SBDS: variants seen among roughly 807,000 people sequenced by gnomAD.
The protein encoded by SBDS is SBDS ribosome maturation factor.
In SBDS, 20 loss-of-function variants were observed where a neutral mutation model predicts 26.4. The ratio of observed to expected loss-of-function variants is 0.76; its 90% CI spans 0.53 to 1.10. The LOEUF (loss-of-function observed/expected upper bound fraction) is 1.10. Among genes scored for constraint, SBDS ranks in the 50% least tolerant of loss-of-function variants. The pLI is 0.00. For missense variants in SBDS, 241 were observed against 302.0 expected, an observed-to-expected ratio of 0.80 and a Z score of 1.50; for synonymous variants, 95 against 105.1, an observed-to-expected ratio of 0.90 and a Z score of 0.59.
intron 4 of SBDS, among the ~76,000 whole-genome samples, chr7:66,989,272 G>A (rs1467318478): frequency 8.6e-5 from 13 of 151,958 alleles, no homozygotes; most frequent in African/African-American, 2.9e-4. Context: ...CAGACAGGGC[G>A]CGGTGGCTCA....
At chr7:66,991,482 G>C (rs936906644) in intron 3 of SBDS, among the ~76,000 whole-genome samples, 181 bp from the exon 4 acceptor site, 1 of 152,036 alleles carries the variant, frequency 6.6e-6, no homozygotes, top group Admixed American at 6.6e-5. Flanking sequence ...AAAAGCTTTT[G>C]TGTTTCAAAA....
Position 66,994,685 on chromosome 7 carries a change from G to T in SBDS, c.129-344C>A, listed in dbSNP as rs558322200. On this transcript the variant is annotated intron_variant, in intron 1 of 4. Transcript: ENST00000246868. ...AACTTTGTATTTTTAGTAGAGATGG[G>T]GTTTCATGTTGGCCAGGCTGGCCTC... 1.6e-3 allele frequency among the ~76,000 whole-genome samples: 237 copies of T among 152,262 alleles called. 1 individual carries two copies. Among genetic ancestry groups the T allele is most frequent in the African/African-American group, 4.2e-3 (173 of 41,550 alleles).
At chr7:66,993,777 G>C (rs1793025754) in intron 2 of SBDS, among the ~76,000 whole-genome samples, 1 of 151,934 alleles carries the variant, frequency 6.6e-6, no homozygotes, top group Non-Finnish European at 1.5e-5. Flanking sequence ...TGGAAGCTGA[G>C]GCAAGAGAAT....
At chr7:66,990,546 A>T (rs1256767155) in intron 4 of SBDS, among the ~76,000 whole-genome samples, 2 of 152,174 alleles carry the variant, frequency 1.3e-5, no homozygotes, top group African/African-American at 2.4e-5. Flanking sequence ...TTTTTAAGGT[A>T]ATTGGAATTA....
At chr7:66,991,331 C>A (rs1433813126) in intron 3 of SBDS, 30 bp from the exon 4 acceptor site, 2 of 1,547,818 alleles carry the variant, frequency 1.3e-6, no homozygotes, top group Non-Finnish European at 1.8e-6. Context: ...AATGCAATTT[C>A]TTCTACTATA....
At chr7:66,995,173 A>G in intron 1 of SBDS, 117 bp downstream of exon 1, 1 of 1,434,028 alleles carries the variant, frequency 7.0e-7, no homozygotes, top group Non-Finnish European at 9.7e-7. Context: ...GGAATGTTCC[A>G]TTTCCTCCCC....
chr7:66,992,539 C>T (rs1396452211), intron 3 of SBDS, among the ~76,000 whole-genome samples: 1 of 151,594 alleles, frequency 6.6e-6, no homozygotes, highest in Non-Finnish European at 1.5e-5. Context: ...CAAGTTTTGT[C>T]TTTAAAAGTT....
chr7:66,995,183 C>G (rs917329918), intron 1 of SBDS, 107 bp downstream of exon 1: 124 of 1,503,052 alleles, frequency 8.2e-5, no homozygotes, highest in Non-Finnish European at 9.5e-5. Flanking sequence ...ATTTCCTCCC[C>G]GGCCAACACC....
At chr7:66,994,882 T>C (rs1172794410) in intron 1 of SBDS, among the ~76,000 whole-genome samples, 1 of 152,190 alleles carries the variant, frequency 6.6e-6, no homozygotes, top group Admixed American at 6.5e-5. Context: ...TGCCAGTCCC[T>C]AGATGGCAGC....
chr7:66,992,614 C>T (rs1374025393), intron 3 of SBDS, among the ~76,000 whole-genome samples: 1 of 151,742 alleles, frequency 6.6e-6, no homozygotes, highest in Non-Finnish European at 1.5e-5. Context: ...AAAAAAATTA[C>T]CTATCTTTAC....
Position 66,995,575 on chromosome 7 carries a change from C to CA in SBDS, c.-159dup. ...CGACTCACTAGCTTCAGGCAGCCGT[C>CA]ACAGTGTGTCTGGCAGGCTTACTTA... On this transcript the variant is annotated 5_prime_UTR_variant, in exon 1 of 5. Transcript: ENST00000246868. 9.5e-7 allele frequency: 1 copy of CA among 1,050,672 alleles called. No homozygotes were observed. Among genetic ancestry groups the CA allele is most frequent in the Non-Finnish European group, 1.4e-6 (1 of 711,500 alleles). 65.1% of individuals were successfully genotyped at this position (1,050,672 alleles called of 1,614,324 possible). A position where few individuals can be genotyped will look rare whatever the true frequency, so the allele number is the denominator to read the frequency against.
At chr7:66,989,944 T>A (rs1399066175) in intron 4 of SBDS, among the ~76,000 whole-genome samples, 1 of 152,088 alleles carries the variant, frequency 6.6e-6, no homozygotes, top group African/African-American at 2.4e-5. Context: ...GACGCGACTA[T>A]CCTGCATACA....
intron 4 of SBDS, among the ~76,000 whole-genome samples, chr7:66,990,106 G>A (rs1200454142): frequency 6.6e-6 from 1 of 150,524 alleles, no homozygotes; most frequent in Non-Finnish European, 1.5e-5. Flanking sequence ...CGCAACCTCT[G>A]CCTTCCAGGT....
rs1195651574 is a variant in SBDS at position 66,995,560 on chromosome 7, G to A, written c.-143C>T. 1 of 1,190,496 alleles carries A rather than the reference G, an allele frequency of 8.4e-7. No individual in the cohort carries two copies. The highest frequency in any genetic ancestry group is 1.5e-5 in the African/African-American group (1 of 66,316). The allele number at this position is 1,190,496 out of a possible 1,614,324, so 73.7% of individuals were successfully genotyped here. ...CAGTGCGCGGCGCCGCGACTCACTA[G>A]CTTCAGGCAGCCGTCACAGTGTGTC... On this transcript the variant is annotated 5_prime_UTR_variant, in exon 1 of 5. Coordinates refer to ENST00000246868, the MANE Select transcript of SBDS (RefSeq NM_016038.4).
chr7:66,990,958 A>G, intron 4 of SBDS, 179 bp downstream of exon 4: 2 of 536,762 alleles, frequency 3.7e-6, no homozygotes, highest in Non-Finnish European at 3.2e-6. Context: ...CGGAGCTTGC[A>G]GTGAGCTGAG....
chr7:66,992,378 G>C (rs1584436139), intron 3 of SBDS, among the ~76,000 whole-genome samples: 1 of 152,220 alleles, frequency 6.6e-6, no homozygotes, highest in South Asian at 2.1e-4. Flanking sequence ...TGATGAAAAT[G>C]TTCTCGAACC....
chr7:66,989,061 G>C (rs573671505), intron 4 of SBDS, among the ~76,000 whole-genome samples: 1 of 151,960 alleles, frequency 6.6e-6, no homozygotes, highest in South Asian at 2.1e-4. Context: ...AGTAGAGATA[G>C]GGTTTCACCA....
chr7:66,988,268 T>C lies in SBDS; in HGVS notation c.*103A>G. On this transcript the variant is annotated 3_prime_UTR_variant, in exon 5 of 5. Coordinates refer to ENST00000246868, the MANE Select transcript of SBDS (RefSeq NM_016038.4). ...CCACTGTTAACACAAAGATAGAAAA[T>C]GTCAAATAGTTTAAGCAAGTATTTG... 6 of 1,254,560 alleles carry C rather than the reference T, an allele frequency of 4.8e-6. No homozygotes were observed. Among genetic ancestry groups the C allele is most frequent in the Non-Finnish European group, 6.9e-6 (6 of 868,368 alleles). 77.7% of individuals were successfully genotyped at this position (1,254,560 alleles called of 1,614,324 possible).
chr7:66,993,519 A>G, intron 2 of SBDS, 102 bp from the exon 3 acceptor site: 1 of 907,614 alleles, frequency 1.1e-6, no homozygotes, highest in Non-Finnish European at 1.8e-6. Context: ...AGAGAAAATT[A>G]AATTTCATCC....
Sources: allele counts gnomAD v4.1 joint callset (sites outside exome capture counted in the v4.1 genomes callset), GRCh38; gene constraint gnomAD v4.1.1; transcripts MANE v1.5; gene names NCBI Gene and HGNC (gene_info 2026-07-23, HGNC 2026-07-21).